Variants in CAMK2G observed in about 807,000 individuals in gnomAD.
CAMK2G encodes calcium/calmodulin dependent protein kinase II gamma.
In CAMK2G, 23 loss-of-function variants were observed where a neutral mutation model predicts 88.7. That is an observed-to-expected ratio of 0.26 (90% CI 0.19 to 0.37). The LOEUF is 0.37. Ranked by LOEUF, CAMK2G falls within the 10% of genes least tolerant of loss-of-function variation. The pLI, the probability that CAMK2G is intolerant of heterozygous loss-of-function variation, is 1.00. For synonymous variants in CAMK2G, 263 were observed against 294.8 expected (o/e 0.89, Z 1.11); for missense variants, 476 against 780.8 (o/e 0.61, Z 4.65).
chr10:73,820,488 A>G (rs199723990), intron 18 of CAMK2G, among the ~76,000 whole-genome samples: 22 of 46,544 alleles, frequency 4.7e-4, no homozygotes, highest in African/African-American at 2.3e-3. Flanking sequence ...ATATATATAT[A>G]TATATTTTTT....
chr10:73,845,042 G>A (rs1450579427), intron 10 of CAMK2G, among the ~76,000 whole-genome samples: 1 of 152,090 alleles, frequency 6.6e-6, no homozygotes, highest in Non-Finnish European at 1.5e-5. Context: ...ATGCTGGTGT[G>A]TAGTGGCCGT....
chr10:73,828,148 G>T, intron 14 of CAMK2G, 27 bp from the exon 15 acceptor site: 1 of 1,604,026 alleles, frequency 6.2e-7, no homozygotes. Flanking sequence ...AAGAGGGAAA[G>T]AGAAGGGGAA....
chr10:73,842,051 C>A lies in CAMK2G; in HGVS notation c.946+118G>T. ...CCCCTCAAAACAGGATCCTCACTCG[C>A]CCTGGTCAAGGTGTGGCCCAGGACG... On this transcript the variant is annotated intron_variant, in intron 12 of 22. Coordinates refer to ENST00000423381, the MANE Select transcript of CAMK2G (RefSeq NM_001367534.1). This position sits in a 1 kb window ranked among gnomAD's most constrained non-coding sequence, Gnocchi z 4.6. The A allele has an allele frequency of 2.5e-6, 2 of 802,144 alleles. No homozygotes were observed. The highest frequency in any genetic ancestry group is 4.5e-6 in the Non-Finnish European group (2 of 448,066). The allele number at this position is 802,144 out of a possible 1,614,324, so 49.7% of individuals were successfully genotyped here. A position where few individuals can be genotyped will look rare whatever the true frequency, so the allele number is the denominator to read the frequency against.
chr10:73,838,624 A>G (rs1299460103), intron 13 of CAMK2G, among the ~76,000 whole-genome samples: 1 of 152,226 alleles, frequency 6.6e-6, no homozygotes, highest in Non-Finnish European at 1.5e-5. Flanking sequence ...CAGTGAGAAC[A>G]GGGGTCCTTC....
intron 5 of CAMK2G, among the ~76,000 whole-genome samples, chr10:73,849,936 A>C (rs1032515414): frequency 2.0e-5 from 3 of 152,238 alleles, no homozygotes; most frequent in Non-Finnish European, 2.9e-5. Context: ...AAGAGCTTCC[A>C]AACAGGGCAT....
intron 19 of CAMK2G, chr10:73,818,545 G>GCACCCAC: frequency 2.6e-6 from 1 of 386,918 alleles, no homozygotes; most frequent in Non-Finnish European, 5.2e-6. Context: ...GCAAGCGTTA[G>GCACCCAC]AACAGCACCA....
In CAMK2G at chr10:73,815,130, T is replaced by C. The variant is rs1268785147; in HGVS notation, c.1652A>G (p.Gln551Arg). 3 of 1,614,180 alleles carry C rather than the reference T, an allele frequency of 1.9e-6. No individual in the cohort carries two copies. The highest frequency in any genetic ancestry group is 2.5e-6 in the Non-Finnish European group (3 of 1,179,986). The change falls in exon 22 of 23, where the codon CAG (glutamine) becomes CGG (arginine). Residue 551 changes from glutamine to arginine, a missense_variant. By Grantham distance (43) the Gln-to-Arg change is conservative (BLOSUM62 1). Transcript: ENST00000423381. ...YIRLTQYIDG[Q>R]GRPRTSQSEE... ...TGACTGGCTGGTGCGAGGCCGACCC[T>C]GCCCGTCGATGTACTGGGTGAGGCG...
rs753507037 is a variant in CAMK2G, at chr10:73,849,124, G to GA, written c.415-10dup. On this transcript the variant is annotated splice_polypyrimidine_tract_variant and intron_variant, in intron 6 of 22. Transcript: ENST00000423381. Reference sequence around the variant, plus strand: ...AGCAGCAGGTTCTCAGGCTGCAGAAGAAACACAGAGAACCTTGTGAGCACC... The same window carrying GA: ...AGCAGCAGGTTCTCAGGCTGCAGAAGAAAACACAGAGAACCTTGTGAGCACC... 6.2e-7 allele frequency: 1 copy of GA among 1,610,610 alleles called. No homozygotes were observed. Among genetic ancestry groups the GA allele is most frequent in the Non-Finnish European group, 8.5e-7 (1 of 1,176,802 alleles).
chr10:73,832,076 T>A (rs74468588), intron 14 of CAMK2G, among the ~76,000 whole-genome samples: 1 of 151,012 alleles, frequency 6.6e-6, no homozygotes, highest in African/African-American at 2.4e-5. Context: ...AAAAAAAAAA[T>A]AGTATTTAAA....
At chr10:73,840,458 G>C (rs991118581) in intron 12 of CAMK2G, among the ~76,000 whole-genome samples, 29 of 152,300 alleles carry the variant, frequency 1.9e-4, no homozygotes, top group African/African-American at 6.7e-4. Flanking sequence ...CTTCCGGACA[G>C]ACTCTGTCCT....
intron 2 of CAMK2G, among the ~76,000 whole-genome samples, chr10:73,863,590 G>C (rs1363944984): frequency 6.6e-6 from 1 of 152,244 alleles, no homozygotes; most frequent in Non-Finnish European, 1.5e-5. Flanking sequence ...GCAGGTGCAG[G>C]AGAACAGCAT....
At chr10:73,861,166 A>G (rs536868094) in intron 2 of CAMK2G, among the ~76,000 whole-genome samples, 48 of 152,342 alleles carry the variant, frequency 3.2e-4, no homozygotes, top group African/African-American at 1.1e-3. Context: ...AGCTGGAACT[A>G]TAGGCACCAG....
chr10:73,843,075 ATT>A (rs11354408), intron 10 of CAMK2G, among the ~76,000 whole-genome samples: 70 of 145,050 alleles, frequency 4.8e-4, no homozygotes, highest in East Asian at 1.0e-3. Flanking sequence ...TCTGGATGTA[ATT>A]TTTTTTTTTT....
chr10:73,816,354 T>C, intron 21 of CAMK2G: 1 of 1,000,062 alleles, frequency 1.0e-6, no homozygotes, highest in Non-Finnish European at 1.2e-6. Flanking sequence ...TTTCCTCTAT[T>C]GTGAAACCTG....
In CAMK2G at chr10:73,847,366, GAGA is replaced by G; in HGVS notation, c.697-22_697-20del. The G allele has an allele frequency of 1.2e-6, 2 of 1,613,900 alleles. No individual in the cohort carries two copies. The highest frequency in any genetic ancestry group is 8.5e-7 in the Non-Finnish European group (1 of 1,179,792). On this transcript the variant is annotated intron_variant, in intron 9 of 22. Transcript: ENST00000423381. Reference sequence around the variant, plus strand: ...ATGGGAACTAAGGAGCAGGAATAGGGAGAAGAATGTGGTATTGGTGAGCTTCAT... The same window carrying G: ...ATGGGAACTAAGGAGCAGGAATAGGGAGAATGTGGTATTGGTGAGCTTCAT...
chr10:73,852,427 C>G lies in CAMK2G; in HGVS notation c.276-108G>C, dbSNP rs1390352529. ...CTGTAGAATGGCTTTCAGAGAAATC[C>G]CAACTCCCCATGCATTTCATCTGAG... On this transcript the variant is annotated intron_variant, in intron 4 of 22. Coordinates refer to ENST00000423381, the MANE Select transcript of CAMK2G (RefSeq NM_001367534.1). 4.9e-6 allele frequency: 4 copies of G among 822,498 alleles called. No homozygotes were observed. The African/African-American group carries it at 6.7e-5, about 14-fold the overall frequency. 50.9% of individuals were successfully genotyped at this position (822,498 alleles called of 1,614,324 possible). A position where few individuals can be genotyped will look rare whatever the true frequency, so the allele number is the denominator to read the frequency against.
At chr10:73,851,044 C>T (rs2094576966) in intron 5 of CAMK2G, among the ~76,000 whole-genome samples, 1 of 152,230 alleles carries the variant, frequency 6.6e-6, no homozygotes, top group African/African-American at 2.4e-5. Context: ...TCACTGCCTC[C>T]TCCGTCCCAG....
intron 2 of CAMK2G, among the ~76,000 whole-genome samples, chr10:73,871,492 G>T (rs1299397025): frequency 6.6e-6 from 1 of 152,196 alleles, no homozygotes; most frequent in Non-Finnish European, 1.5e-5. Context: ...CCAGATGCCA[G>T]CCCTGTTTCT....
chr10:73,826,947 G>A (rs1309390576), intron 15 of CAMK2G, among the ~76,000 whole-genome samples: 1 of 152,056 alleles, frequency 6.6e-6, no homozygotes, highest in East Asian at 1.9e-4. Context: ...TAGAGAAGAG[G>A]GGGCCCAGGA....
Sources: gnomAD v4.1 joint callset for allele counts (sites outside exome capture counted in the v4.1 genomes callset) on GRCh38, gnomAD v4.1.1 for gene constraint, Gnocchi (gnomAD v3.1) non-coding constraint, MANE v1.5 for transcripts, NCBI Gene and HGNC (gene_info 2026-07-23, HGNC 2026-07-21) for gene names.